Variants in PLCG2 observed in about 807,000 individuals in gnomAD.
The protein encoded by PLCG2 is 1-phosphatidylinositol 4,5-bisphosphate phosphodiesterase gamma-2.
Under a neutral mutation model 175.6 loss-of-function variants are expected in PLCG2, and 69 were observed. That is an observed-to-expected ratio of 0.39 (90% CI 0.32 to 0.48). The LOEUF is 0.48. Ranked by LOEUF, PLCG2 falls within the 20% of genes least tolerant of loss-of-function variation. The pLI, the probability that PLCG2 is intolerant of heterozygous loss-of-function variation, is 0.91. For missense variants in PLCG2, 1,798 were observed against 1,650.9 expected (o/e 1.09, Z -1.54); for synonymous variants, 827 against 624.0 (o/e 1.33, Z -4.85).
intron 19 of PLCG2, among the ~76,000 whole-genome samples, chr16:81,918,912 A>AG (rs1388422302): frequency 1.2e-4 from 18 of 151,516 alleles, no homozygotes; most frequent in Admixed American, 9.9e-4. Flanking sequence ...TTTTTTTTAA[A>AG]AAAAGTCACT....
intron 2 of PLCG2, among the ~76,000 whole-genome samples, chr16:81,833,078 A>C (rs916571229): frequency 1.3e-5 from 2 of 152,124 alleles, no homozygotes; most frequent in African/African-American, 4.8e-5. Flanking sequence ...TCTTGTGGGG[A>C]CTTACAGCCA....
chr16:81,793,103 C>G (rs1911312644), intron 2 of PLCG2, among the ~76,000 whole-genome samples: 1 of 152,214 alleles, frequency 6.6e-6, no homozygotes, highest in Admixed American at 6.5e-5. Context: ...GGCCTGGCCT[C>G]TGGCAGAGAA....
At chr16:81,916,254 A>G (rs1039843181) in intron 19 of PLCG2, among the ~76,000 whole-genome samples, 5 of 151,776 alleles carry the variant, frequency 3.3e-5, no homozygotes, top group Non-Finnish European at 7.4e-5. Context: ...TTAAAGCAAT[A>G]TATTTTTTTT....
chr16:81,802,420 G>T (rs1048491122), intron 2 of PLCG2, among the ~76,000 whole-genome samples: 1 of 151,324 alleles, frequency 6.6e-6, no homozygotes, highest in African/African-American at 2.4e-5. Flanking sequence ...CCTCAGGTGG[G>T]TACAGTCTTA....
chr16:81,879,722 C>A (rs1231483751), intron 7 of PLCG2, among the ~76,000 whole-genome samples: 1 of 152,150 alleles, frequency 6.6e-6, no homozygotes, highest in Non-Finnish European at 1.5e-5. Flanking sequence ...AGCAAGGCTA[C>A]CTGGGCAGAA....
chr16:81,828,404 A>AT lies in PLCG2; in HGVS notation c.194-26033dup, dbSNP rs1351993568. 6.6e-5 allele frequency among the ~76,000 whole-genome samples: 10 copies of AT among 151,430 alleles called. No homozygotes were observed. In the East Asian group the frequency reaches 1.8e-3, roughly 27 times the overall value. On this transcript the variant is annotated intron_variant, in intron 2 of 32. Transcript: ENST00000564138. ...AGGTGCCTGCCACCACGCCCGGCTA[A>AT]TTTTTTTGTATTTTTAGTAGAGACT...
In PLCG2 at chr16:81,912,644, T is replaced by G; in HGVS notation, c.1982T>G (p.Met661Arg). The part of the protein sequence containing the change: ...LSRGEAEDML[M>R]RIPRDGAFLI... ...CGCGGAGAGGCAGAGGACATGCTGA[T>G]GAGGATTCCCCGGGACGGGGCCTTC... Residue 661 changes from methionine (M) to arginine (R), a missense_variant, in exon 19 of 33, where the codon ATG becomes AGG. By Grantham distance (91) the Met-to-Arg change is moderately conservative (BLOSUM62 -1). Transcript: ENST00000564138. 1 of 1,613,280 alleles carries G rather than the reference T, an allele frequency of 6.2e-7. No homozygotes were observed. The highest frequency in any genetic ancestry group is 8.5e-7 in the Non-Finnish European group (1 of 1,179,842).
upstream of PLCG2, among the ~76,000 whole-genome samples, chr16:81,778,156 G>T (rs1187384512): frequency 1.3e-5 from 2 of 151,852 alleles, no homozygotes; most frequent in African/African-American, 4.8e-5. Context: ...CAGGAGGATT[G>T]CTTGAGGTCA....
intron 9 of PLCG2, among the ~76,000 whole-genome samples, chr16:81,887,537 T>C (rs1304189374): frequency 2.6e-5 from 4 of 152,244 alleles, no homozygotes; most frequent in Non-Finnish European, 5.9e-5. Flanking sequence ...TTTGGGCCCC[T>C]GATCCAGGCA....
At chr16:81,891,419 C>A in intron 10 of PLCG2, 53 bp from the exon 11 acceptor site, 1 of 1,016,362 alleles carries the variant, frequency 9.8e-7, no homozygotes, top group Non-Finnish European at 1.6e-6. Context: ...AACAAGCAGA[C>A]ACCATCCTGC....
chr16:81,854,401 G>A, intron 2 of PLCG2, 43 bp from the exon 3 acceptor site: 1 of 1,597,520 alleles, frequency 6.3e-7, no homozygotes. Context: ...CTCAGGTGGA[G>A]GGAACTCCAG....
chr16:81,858,697 C>G (rs868308704), intron 4 of PLCG2, among the ~76,000 whole-genome samples: 1 of 152,116 alleles, frequency 6.6e-6, no homozygotes, highest in African/African-American at 2.4e-5. Context: ...AGGACAGATA[C>G]AGGGTCTGGA....
intron 2 of PLCG2, among the ~76,000 whole-genome samples, chr16:81,820,343 C>G (rs992150359): frequency 6.6e-6 from 1 of 152,166 alleles, no homozygotes; most frequent in Non-Finnish European, 1.5e-5. Context: ...CACTCCCTGC[C>G]CCAGGCCACC....
At chr16:81,857,380 T>C (rs1017640207) in intron 3 of PLCG2, among the ~76,000 whole-genome samples, 2 of 152,186 alleles carry the variant, frequency 1.3e-5, no homozygotes, top group African/African-American at 2.4e-5. Context: ...AGATAATGGA[T>C]TCTTGTTTAA....
At position 81,962,545 on chromosome 16, in the gene PLCG2, AATTT is replaced by A; in HGVS notation, c.*4552_*4555del. On this transcript the variant is annotated 3_prime_UTR_variant, in exon 33 of 33. Coordinates refer to ENST00000564138, the MANE Select transcript of PLCG2 (RefSeq NM_002661.5). The stretch of plus-strand genomic sequence containing the variant: ...AACTTGTGTTTCATTATTAAAGCTT[AATTT>A]ATTTTTTATATAAATAGTATGTGCT... 1 of 218,476 alleles carries A rather than the reference AATTT, an allele frequency of 4.6e-6. No homozygotes were observed. Among genetic ancestry groups the A allele is most frequent in the Non-Finnish European group, 9.2e-6 (1 of 108,932 alleles). The allele number at this position is 218,476 out of a possible 1,614,324, so 13.5% of individuals were successfully genotyped here.
chr16:81,855,086 T>A (rs1472306233), intron 3 of PLCG2, among the ~76,000 whole-genome samples: 1 of 151,520 alleles, frequency 6.6e-6, no homozygotes. Context: ...GGTGCGCACC[T>A]GTAGTCACAG....
intron 29 of PLCG2, among the ~76,000 whole-genome samples, chr16:81,939,293 T>TG (rs1206981881): frequency 5.9e-5 from 9 of 152,222 alleles, no homozygotes; most frequent in Admixed American, 3.9e-4. Context: ...CAGCCTAACC[T>TG]GGGAGATCTT....
intron 2 of PLCG2, among the ~76,000 whole-genome samples, chr16:81,827,514 T>G (rs1905093187): frequency 6.6e-6 from 1 of 152,082 alleles, no homozygotes; most frequent in Admixed American, 6.6e-5. Context: ...AAAATCCTAC[T>G]TCCTCTGTTT....
chr16:81,794,705 C>T (rs1487439240), intron 2 of PLCG2, among the ~76,000 whole-genome samples: 9 of 152,168 alleles, frequency 5.9e-5, no homozygotes, highest in Non-Finnish European at 1.2e-4. Flanking sequence ...TAGTATCTGG[C>T]ACAGAGGATG....
Sources: allele counts gnomAD v4.1 joint callset (sites outside exome capture counted in the v4.1 genomes callset), GRCh38; gene constraint gnomAD v4.1.1; transcripts MANE v1.5; gene names NCBI Gene and HGNC (gene_info 2026-07-23, HGNC 2026-07-21).